TFDP2: variants seen among roughly 807,000 people sequenced by gnomAD.
TFDP2 encodes the protein transcription factor Dp-2, also known as transcription factor Dp-2 (E2F dimerization partner 2).
Under a neutral mutation model 59.3 loss-of-function variants are expected in TFDP2, and 17 were observed. That is an observed-to-expected ratio of 0.29 (90% CI 0.20 to 0.43). The LOEUF (loss-of-function observed/expected upper bound fraction) is 0.43. Ranked by LOEUF, TFDP2 falls within the 20% of genes least tolerant of loss-of-function variation. The pLI is 1.00. For missense variants in TFDP2, 391 were observed against 528.8 expected, an observed-to-expected ratio of 0.74 and a Z score of 2.56; for synonymous variants, 180 against 194.7, an observed-to-expected ratio of 0.92 and a Z score of 0.63.
intron 8 of TFDP2, among the ~76,000 whole-genome samples, chr3:141,971,823 C>A (rs1202944504): frequency 6.6e-6 from 1 of 152,160 alleles, no homozygotes; most frequent in East Asian, 1.9e-4. Flanking sequence ...TCTGTTTCTG[C>A]CTCTATCCGC....
chr3:142,031,588 C>T (rs140986818), intron 3 of TFDP2, among the ~76,000 whole-genome samples: 2 of 152,160 alleles, frequency 1.3e-5, no homozygotes, highest in African/African-American at 4.8e-5. Flanking sequence ...GATAAAAATG[C>T]AGATTATATA....
At chr3:142,133,953 G>C (rs557457916) in intron 1 of TFDP2, among the ~76,000 whole-genome samples, 31 of 151,846 alleles carry the variant, frequency 2.0e-4, no homozygotes, top group African/African-American at 6.7e-4. Context: ...AGAATCACTT[G>C]AACCCTGGAG....
intron 3 of TFDP2, among the ~76,000 whole-genome samples, chr3:142,055,530 T>C (rs1001467639): frequency 1.3e-5 from 2 of 152,212 alleles, no homozygotes; most frequent in African/African-American, 4.8e-5. Context: ...AAAATCGACA[T>C]TTTGAAACAT....
At chr3:142,042,625 C>CT (rs1489217440) in intron 3 of TFDP2, among the ~76,000 whole-genome samples, 17 of 70,618 alleles carry the variant, frequency 2.4e-4, no homozygotes, top group African/African-American at 8.2e-4. Context: ...CTTTTCTTTT[C>CT]TTTTCTTTTT....
intron 1 of TFDP2, among the ~76,000 whole-genome samples, chr3:142,123,753 G>A (rs2062135477): frequency 3.3e-5 from 5 of 152,112 alleles, no homozygotes; most frequent in Admixed American, 3.3e-4. Context: ...AGAAAGAAAT[G>A]ATTTCTACTA....
chr3:142,129,714 T>C (rs1465558458), intron 1 of TFDP2, among the ~76,000 whole-genome samples: 1 of 152,164 alleles, frequency 6.6e-6, no homozygotes, highest in African/African-American at 2.4e-5. Flanking sequence ...CTTGTGCCTG[T>C]GGTCCCAGTT....
intron 2 of TFDP2, among the ~76,000 whole-genome samples, chr3:142,094,607 C>T (rs1327834532): frequency 1.3e-5 from 2 of 151,866 alleles, no homozygotes; most frequent in African/African-American, 4.8e-5. Context: ...GCCCAGCCCT[C>T]AAACTATACT....
chr3:141,960,209 C>T lies in TFDP2; in HGVS notation c.885-369G>A, dbSNP rs142623563. Among the ~76,000 whole-genome samples the T allele has an allele frequency of 7.9e-3, 1,204 of 152,204 alleles. 19 individuals carry two copies. The highest frequency in any genetic ancestry group is 0.027 in the African/African-American group (1,122 of 41,512). On this transcript the variant is annotated intron_variant, in intron 10 of 12. Coordinates refer to ENST00000489671, the MANE Select transcript of TFDP2 (RefSeq NM_001178139.2). ...TTACGATATCCCTATTCCGAGTTGGCCTGTTAGCTTTGAGGAAAAAAACAT... is the reference window on the plus strand; with the variant it reads ...TTACGATATCCCTATTCCGAGTTGGTCTGTTAGCTTTGAGGAAAAAAACAT...
intron 3 of TFDP2, among the ~76,000 whole-genome samples, chr3:142,018,827 A>C (rs901553695): frequency 3.9e-5 from 6 of 152,004 alleles, no homozygotes; most frequent in African/African-American, 1.4e-4. Flanking sequence ...TTTTGGTTTT[A>C]ATATATTGTT....
At chr3:142,040,837 G>A (rs555508179) in intron 3 of TFDP2, among the ~76,000 whole-genome samples, 105 of 152,258 alleles carry the variant, frequency 6.9e-4, no homozygotes, top group African/African-American at 2.4e-3. Flanking sequence ...CCAGGAGTTT[G>A]AGGCTACAGT....
In TFDP2 at chr3:141,951,275, G is replaced by A. The variant is rs989089985; in HGVS notation, c.*1238C>T. On this transcript the variant is annotated 3_prime_UTR_variant, in exon 13 of 13. Transcript: ENST00000489671. ...CCCTACACTCTTTCATTCAGAGAAGGAGCAGCTGTGAATACACCACTGCAG... is the reference window on the plus strand; with the variant it reads ...CCCTACACTCTTTCATTCAGAGAAGAAGCAGCTGTGAATACACCACTGCAG... 2 of 152,190 alleles carry A rather than the reference G, an allele frequency of 1.3e-5. No individual in the cohort carries two copies. Among genetic ancestry groups the A allele is most frequent in the African/African-American group, 2.4e-5 (1 of 41,446 alleles). 9.4% of individuals were successfully genotyped at this position (152,190 alleles called of 1,614,324 possible). A position where few individuals can be genotyped will look rare whatever the true frequency, so the allele number is the denominator to read the frequency against.
chr3:142,147,281 C>G (rs1484084460), intron 1 of TFDP2, among the ~76,000 whole-genome samples: 2 of 152,262 alleles, frequency 1.3e-5, no homozygotes, highest in East Asian at 3.9e-4. Context: ...ATTTGATTCT[C>G]TTTAAAATCC....
At chr3:141,983,976 A>C (rs1477023487) in intron 6 of TFDP2, among the ~76,000 whole-genome samples, 1 of 152,236 alleles carries the variant, frequency 6.6e-6, no homozygotes, top group Non-Finnish European at 1.5e-5. Context: ...CACCCAGATG[A>C]ATCTGAAAGC....
In TFDP2 at chr3:142,149,499, C is replaced by T. The variant is rs2108768830; in HGVS notation, c.-409G>A. The T allele has an allele frequency of 2.9e-6, 1 of 349,406 alleles. No individual in the cohort carries two copies. Among genetic ancestry groups the T allele is most frequent in the South Asian group, 1.5e-4 (1 of 6,614 alleles). The allele number at this position is 349,406 out of a possible 1,614,324, so 21.6% of individuals were successfully genotyped here. ...CGCCCTCTCCCTGCCCAGCTACAGC[C>T]CCGCTTCCCCCGCGCGAGCTTTGGC... On this transcript the variant is annotated 5_prime_UTR_variant, in exon 1 of 13. Transcript: ENST00000489671.
At chr3:141,976,125 C>T (rs769033451) in intron 7 of TFDP2, among the ~76,000 whole-genome samples, 1 of 152,124 alleles carries the variant, frequency 6.6e-6, no homozygotes, top group Non-Finnish European at 1.5e-5. Context: ...GTGATCCGTC[C>T]ACCTCGGCCT....
Position 142,149,229 on chromosome 3 carries a change from C to T in TFDP2, c.-139G>A, listed in dbSNP as rs2063299216. 1.3e-5 allele frequency: 5 copies of T among 397,532 alleles called. No individual in the cohort carries two copies. The highest frequency in any genetic ancestry group is 2.2e-5 in the Non-Finnish European group (5 of 225,400). The allele number at this position is 397,532 out of a possible 1,614,324, so 24.6% of individuals were successfully genotyped here. ...TGGCGGCCAAGCGAGGCTGTCGGGC[C>T]GAGCCAGGAGCGCGTCTTCGGGCGC... On this transcript the variant is annotated 5_prime_UTR_variant, in exon 1 of 13. Coordinates refer to ENST00000489671, the MANE Select transcript of TFDP2 (RefSeq NM_001178139.2).
At chr3:142,015,670 A>C (rs1042287082) in intron 3 of TFDP2, among the ~76,000 whole-genome samples, 1 of 152,102 alleles carries the variant, frequency 6.6e-6, no homozygotes, top group Non-Finnish European at 1.5e-5. Flanking sequence ...GCTGCTGCCC[A>C]CCCTACCCCA....
Position 142,098,876 on chromosome 3 carries a change from A to G in TFDP2, c.15+2859T>C, listed in dbSNP as rs368032684. Among the ~76,000 whole-genome samples the G allele has an allele frequency of 1.8e-4, 28 of 152,338 alleles. No homozygotes were observed. In the East Asian group the frequency reaches 3.7e-3, roughly 20 times the overall value. ...CATCATCGTTTGATCCCTGGAATCT[A>G]GATGTGTTTGAAGCAGCCTCTAGAC... On this transcript the variant is annotated intron_variant, in intron 2 of 12. Transcript: ENST00000489671.
chr3:141,982,276 T>C (rs982773470), intron 6 of TFDP2, among the ~76,000 whole-genome samples: 10 of 152,320 alleles, frequency 6.6e-5, no homozygotes, highest in African/African-American at 2.4e-4. Flanking sequence ...AAAATTTCTA[T>C]TGGGCAGAAA....
Sources: gnomAD v4.1 joint callset for allele counts (sites outside exome capture counted in the v4.1 genomes callset) on GRCh38, gnomAD v4.1.1 for gene constraint, MANE v1.5 for transcripts, NCBI Gene and HGNC (gene_info 2026-07-23, HGNC 2026-07-21) for gene names.